The following A4GALT variants were observed in gnomAD, a reference collection of about 807,000 sequenced individuals.
The protein encoded by A4GALT is alpha 1,4-galactosyltransferase (P1PK blood group).
For missense variants in A4GALT, 512 were observed against 486.0 expected (o/e 1.05, Z -0.50); for synonymous variants, 257 against 220.7 (o/e 1.16, Z -1.46).
intron 1 of A4GALT, among the ~76,000 whole-genome samples, chr22:42,718,855 G>GGC (rs1922436729): frequency 6.6e-6 from 1 of 152,200 alleles, no homozygotes; most frequent in African/African-American, 2.4e-5. Context: ...CAAAGAAGGA[G>GGC]GCAGCTGGGG....
rs767605798 is a variant in A4GALT at position 42,693,265 on chromosome 22, G to A, written c.687C>T (p.Phe229=). 12 of 1,612,658 alleles carry A rather than the reference G, an allele frequency of 7.4e-6. No individual in the cohort carries two copies. The highest frequency in any genetic ancestry group is 2.7e-5 in the African/African-American group (2 of 74,932). ...CGAAGTCCCGCATGCACAGCGCCAT[G>A]AACTCGTGCCGGCGCTCGAAGGCCA... is the stretch of plus-strand genomic sequence containing the variant. ...AFLAFERRHE[F]MALCMRDFVD... The change falls in exon 3 of 3, where the codon TTC becomes TTT. Residue 229 remains phenylalanine (F), a synonymous_variant. Transcript: ENST00000642412.
At chr22:42,710,367 C>T (rs1250699369) in intron 1 of A4GALT, among the ~76,000 whole-genome samples, 2 of 152,032 alleles carry the variant, frequency 1.3e-5, no homozygotes, top group Non-Finnish European at 2.9e-5. Flanking sequence ...ACAACAGTCG[C>T]GATACTCAGG....
intron 1 of A4GALT, among the ~76,000 whole-genome samples, chr22:42,704,563 G>A (rs1011980337): frequency 5.3e-5 from 8 of 150,914 alleles, no homozygotes; most frequent in African/African-American, 1.7e-4. Flanking sequence ...AGGGCAGAAG[G>A]GCTCTTTTCG....
At position 42,707,637 on chromosome 22, in the gene A4GALT, C is replaced by A. The variant is rs139135750; in HGVS notation, c.-187-12006G>T. 7.9e-4 allele frequency among the ~76,000 whole-genome samples: 121 copies of A among 152,234 alleles called. 2 individuals are homozygous for A. Among genetic ancestry groups the A allele is most frequent in the African/African-American group, 2.8e-3 (117 of 41,540 alleles). On this transcript the variant is annotated intron_variant, in intron 1 of 2. Coordinates refer to ENST00000642412, the MANE Select transcript of A4GALT (RefSeq NM_017436.7). The stretch of plus-strand genomic sequence containing the variant: ...CATCATCATTTTCTACCCTGAATGA[C>A]TGAGTGAGAGACTCTTTCTCAAAAT...
chr22:42,716,802 C>A (rs529916374), intron 1 of A4GALT, among the ~76,000 whole-genome samples: 68 of 152,268 alleles, frequency 4.5e-4, no homozygotes, highest in African/African-American at 1.6e-3. Flanking sequence ...TGGGTAGAGG[C>A]CTACCCCCAC....
chr22:42,693,829 G>A lies in A4GALT; in HGVS notation c.123C>T (p.His41=), dbSNP rs773943949. Residue 41 remains histidine (H), a synonymous_variant, in exon 3 of 3, where the codon CAC becomes CAT. Coordinates refer to ENST00000642412, the MANE Select transcript of A4GALT (RefSeq NM_017436.7). The part of the protein sequence containing the change: ...TFFVSIMIYW[H]VVGEPKEKGQ... ...CTTTCTCCTTGGGCTCTCCCACAACGTGCCAGTAGATCATGATGGAGACGA... is the reference window on the plus strand; with the variant it reads ...CTTTCTCCTTGGGCTCTCCCACAACATGCCAGTAGATCATGATGGAGACGA... 9.9e-6 allele frequency: 16 copies of A among 1,608,140 alleles called. No homozygotes were observed. Among genetic ancestry groups the A allele is most frequent in the East Asian group, 2.2e-5 (1 of 44,710 alleles).
chr22:42,709,222 G>A (rs1921457499), intron 1 of A4GALT, among the ~76,000 whole-genome samples: 1 of 149,982 alleles, frequency 6.7e-6, no homozygotes, highest in Non-Finnish European at 1.5e-5. Context: ...ACCATACCAG[G>A]TTCATTTTTA....
intron 1 of A4GALT, among the ~76,000 whole-genome samples, chr22:42,696,175 C>T (rs1452893803): frequency 7.1e-6 from 1 of 141,674 alleles, no homozygotes; most frequent in African/African-American, 2.7e-5. Context: ...AATCCCAGCA[C>T]TTTGGGAGGC....
intron 1 of A4GALT, among the ~76,000 whole-genome samples, chr22:42,714,704 G>T (rs547684413): frequency 3.9e-5 from 6 of 152,096 alleles, no homozygotes; most frequent in Non-Finnish European, 7.4e-5. Context: ...AGGAGGCGGA[G>T]GTTGCAGTGA....
chr22:42,702,099 G>C (rs1931335918), intron 1 of A4GALT, among the ~76,000 whole-genome samples: 1 of 150,544 alleles, frequency 6.6e-6, no homozygotes, highest in Admixed American at 6.6e-5. Context: ...CCAGGTTGGT[G>C]TCTCTCTCTC....
intron 1 of A4GALT, among the ~76,000 whole-genome samples, chr22:42,702,627 G>A (rs1475197807): frequency 6.6e-6 from 1 of 152,190 alleles, no homozygotes; most frequent in African/African-American, 2.4e-5. Context: ...GTGAGCCGCC[G>A]TGTCCGGCTG....
intron 1 of A4GALT, among the ~76,000 whole-genome samples, chr22:42,717,223 TC>T (rs1278979627): frequency 2.0e-5 from 3 of 152,122 alleles, no homozygotes; most frequent in African/African-American, 7.2e-5. Context: ...AGCTGCCACT[TC>T]CTGATAGCTA....
rs1277755331 is a variant in A4GALT, at chr22:42,692,857, G to A, written c.*33C>T. The stretch of plus-strand genomic sequence containing the variant: ...GGAAGGGCGGCCCAGTGCCCCATCA[G>A]GAGCAGGTTGGGGAGGTGACCTGGC... On this transcript the variant is annotated 3_prime_UTR_variant, in exon 3 of 3. Transcript: ENST00000642412. This position sits in a 1 kb window ranked among gnomAD's most constrained non-coding sequence, Gnocchi z 4.6. 6.3e-7 allele frequency: 1 copy of A among 1,596,948 alleles called. No individual in the cohort carries two copies. Among genetic ancestry groups the A allele is most frequent in the African/African-American group, 1.3e-5 (1 of 75,008 alleles).
At chr22:42,700,811 G>A (rs1931249123) in intron 1 of A4GALT, among the ~76,000 whole-genome samples, 1 of 152,256 alleles carries the variant, frequency 6.6e-6, no homozygotes, top group African/African-American at 2.4e-5. Context: ...CTCAACAGAT[G>A]TGGCCACGGC....
Position 42,693,750 on chromosome 22 carries a change from T to TGGGGGGGGGGGGGGGGGGGGG in A4GALT, c.201_202insCCCCCCCCCCCCCCCCCCCCC (p.Pro67_Thr68insProProProProProProPro). 1 of 391,428 alleles carries TGGGGGGGGGGGGGGGGGGGGG rather than the reference T, an allele frequency of 2.6e-6. No homozygotes were observed. 24.2% of individuals were successfully genotyped at this position (391,428 alleles called of 1,614,324 possible). ...GGAGTGGGGCCGTGGGAGGGTGGGGTGGGGGGTGTCAAGGTGGGGCAGGGG... is the reference window on the plus strand; with the variant it reads ...GGAGTGGGGCCGTGGGAGGGTGGGGTGGGGGGGGGGGGGGGGGGGGGGGGGGGTGTCAAGGTGGGGCAGGGG... On this transcript the variant is annotated inframe_insertion, in exon 3 of 3. Transcript: ENST00000642412.
At chr22:42,704,097 A>G (rs558251157) in intron 1 of A4GALT, among the ~76,000 whole-genome samples, 2 of 152,306 alleles carry the variant, frequency 1.3e-5, no homozygotes, top group African/African-American at 4.8e-5. Flanking sequence ...CCCCATCCCT[A>G]GCCCCACAAT....
At chr22:42,719,185 G>A (rs1379285281) in intron 1 of A4GALT, among the ~76,000 whole-genome samples, 1 of 152,142 alleles carries the variant, frequency 6.6e-6, no homozygotes. Flanking sequence ...TTAGTACAAG[G>A]AAACAAAACA....
At chr22:42,715,239 A>T (rs1288963569) in intron 1 of A4GALT, among the ~76,000 whole-genome samples, 2 of 152,080 alleles carry the variant, frequency 1.3e-5, no homozygotes, top group Non-Finnish European at 2.9e-5. Flanking sequence ...TCCCACCTTA[A>T]GGTAGTTCCT....
chr22:42,702,735 G>A (rs1037819733), intron 1 of A4GALT, among the ~76,000 whole-genome samples: 3 of 118,890 alleles, frequency 2.5e-5, no homozygotes, highest in African/African-American at 5.4e-5. Context: ...AGGGGACGTA[G>A]TGGGAGACAA....
Sources: allele counts gnomAD v4.1 joint callset (sites outside exome capture counted in the v4.1 genomes callset), GRCh38; gene constraint gnomAD v4.1.1; non-coding constraint Gnocchi (gnomAD v3.1); transcripts MANE v1.5; gene names NCBI Gene and HGNC (gene_info 2026-07-23, HGNC 2026-07-21).